UBE2G1: variants seen among roughly 807,000 people sequenced by gnomAD.
UBE2G1 encodes ubiquitin conjugating enzyme E2 G1, also known as ubiquitin-conjugating enzyme E2 G1.
In UBE2G1, 5 loss-of-function variants were observed where a neutral mutation model predicts 22.7. The ratio of observed to expected loss-of-function variants is 0.22; its 90% CI spans 0.12 to 0.46. UBE2G1 has a LOEUF of 0.46. UBE2G1 is among the 20% of genes least tolerant of loss of function. UBE2G1 has a pLI of 0.99. For missense variants in UBE2G1, 88 were observed against 203.9 expected (o/e 0.43, Z 3.46); for synonymous variants, 74 against 67.5 (o/e 1.10, Z -0.47).
At chr17:4,320,705 G>A (rs933657565) in intron 1 of UBE2G1, among the ~76,000 whole-genome samples, 1 of 152,092 alleles carries the variant, frequency 6.6e-6, no homozygotes, top group African/African-American at 2.4e-5. Flanking sequence ...CTACCTTCTT[G>A]CTCTCCAAAG....
intron 1 of UBE2G1, among the ~76,000 whole-genome samples, chr17:4,362,949 C>G (rs982470491): frequency 3.3e-5 from 5 of 151,986 alleles, no homozygotes; most frequent in African/African-American, 1.2e-4. Context: ...ATGGTGAAAC[C>G]CTGTCTCTAC....
chr17:4,281,187 C>A (rs1230270760), intron 5 of UBE2G1, among the ~76,000 whole-genome samples: 1 of 152,080 alleles, frequency 6.6e-6, no homozygotes, highest in Non-Finnish European at 1.5e-5. Context: ...AGGAGTAGAG[C>A]GGTAATTTAC....
chr17:4,276,633 C>A (rs891093966), intron 5 of UBE2G1, among the ~76,000 whole-genome samples: 2 of 120,212 alleles, frequency 1.7e-5, no homozygotes, highest in African/African-American at 6.1e-5. Context: ...TAGATTCATG[C>A]CCCACATCTG....
chr17:4,291,476 A>AT (rs746303880), intron 3 of UBE2G1, among the ~76,000 whole-genome samples: 2 of 151,864 alleles, frequency 1.3e-5, no homozygotes, highest in African/African-American at 4.8e-5. Context: ...TGTAATAAGG[A>AT]TTTTTTCCAA....
In UBE2G1 at chr17:4,292,106, C is replaced by T. The variant is rs111975504; in HGVS notation, c.248-2698G>A. 9.6e-4 allele frequency among the ~76,000 whole-genome samples: 146 copies of T among 152,036 alleles called. 1 individual carries two copies. The highest frequency in any genetic ancestry group is 3.3e-3 in the African/African-American group (137 of 41,476). On this transcript the variant is annotated intron_variant, in intron 3 of 5. Transcript: ENST00000396981. ...ATCCCAGCACTTTGGGAGGCTGAGG[C>T]GGGCGGATCACCTGAGGTCGAGACC...
intron 1 of UBE2G1, among the ~76,000 whole-genome samples, chr17:4,318,720 G>C (rs1324956648): frequency 6.6e-6 from 1 of 152,106 alleles, no homozygotes; most frequent in Non-Finnish European, 1.5e-5. Flanking sequence ...TACACCAGTG[G>C]TTCTCAACTG....
rs190702316 is a variant in UBE2G1 at position 4,339,494 on chromosome 17, G to C, written c.46+26777C>G. 7.6e-4 allele frequency among the ~76,000 whole-genome samples: 115 copies of C among 152,124 alleles called. 3 individuals are homozygous for C. In the East Asian group the frequency reaches 0.015, roughly 20 times the overall value. The stretch of plus-strand genomic sequence containing the variant: ...TAATTTTTTGTATTTAGTAGAGACG[G>C]GGTTTCAGCATGTTGACCAGGCTGG... On this transcript the variant is annotated intron_variant, in intron 1 of 5. Transcript: ENST00000396981.
intron 1 of UBE2G1, among the ~76,000 whole-genome samples, chr17:4,344,913 A>T (rs1163207445): frequency 6.6e-6 from 1 of 152,232 alleles, no homozygotes; most frequent in Non-Finnish European, 1.5e-5. Context: ...GTATTAAAAA[A>T]TAAGTATTTT....
chr17:4,288,034 A>G (rs570338355), intron 4 of UBE2G1, among the ~76,000 whole-genome samples: 1 of 152,230 alleles, frequency 6.6e-6, no homozygotes, highest in Non-Finnish European at 1.5e-5. Context: ...TTCTTAGGGA[A>G]CAGATCCTGA....
At chr17:4,316,016 C>T (rs1969366720) in intron 1 of UBE2G1, among the ~76,000 whole-genome samples, 1 of 151,674 alleles carries the variant, frequency 6.6e-6, no homozygotes, top group Admixed American at 6.6e-5. Context: ...GGGGTTTCAC[C>T]GTGGTCTCGA....
intron 1 of UBE2G1, among the ~76,000 whole-genome samples, chr17:4,360,755 T>C (rs575588910): frequency 1.7e-4 from 26 of 151,648 alleles, no homozygotes; most frequent in African/African-American, 5.8e-4. Flanking sequence ...CTACTAAAAA[T>C]ACAAAATTAG....
intron 5 of UBE2G1, among the ~76,000 whole-genome samples, chr17:4,281,679 T>C (rs962321494): frequency 1.5e-4 from 23 of 152,340 alleles, no homozygotes; most frequent in Non-Finnish European, 2.5e-4. Flanking sequence ...TTCAGAGACA[T>C]AGATATTCAA....
intron 1 of UBE2G1, among the ~76,000 whole-genome samples, chr17:4,330,838 C>T (rs1165436380): frequency 6.6e-6 from 1 of 151,796 alleles, no homozygotes; most frequent in Non-Finnish European, 1.5e-5. Flanking sequence ...AACAGATCTA[C>T]CCACCTTGGC....
At chr17:4,354,560 C>A (rs1034292832) in intron 1 of UBE2G1, among the ~76,000 whole-genome samples, 7 of 152,114 alleles carry the variant, frequency 4.6e-5, no homozygotes, top group Admixed American at 1.3e-4. Flanking sequence ...AAGGAAAGGG[C>A]TCGAGTTTTA....
At chr17:4,339,849 CAA>C (rs1183389003) in intron 1 of UBE2G1, among the ~76,000 whole-genome samples, 6 of 137,970 alleles carry the variant, frequency 4.3e-5, no homozygotes, top group Admixed American at 7.2e-5. Context: ...AACTGCATCT[CAA>C]AAAAAAAAAA....
chr17:4,318,932 G>C (rs755736092), intron 1 of UBE2G1, among the ~76,000 whole-genome samples: 10 of 152,046 alleles, frequency 6.6e-5, no homozygotes, highest in Non-Finnish European at 8.8e-5. Flanking sequence ...AGAAATTACA[G>C]AAACATATTT....
At chr17:4,362,311 C>T (rs1452365831) in intron 1 of UBE2G1, among the ~76,000 whole-genome samples, 2 of 152,166 alleles carry the variant, frequency 1.3e-5, no homozygotes, top group African/African-American at 2.4e-5. Flanking sequence ...TTCTCTGAAA[C>T]ATTTTAACTC....
At chr17:4,293,018 G>C (rs1431688751) in intron 3 of UBE2G1, among the ~76,000 whole-genome samples, 1 of 152,058 alleles carries the variant, frequency 6.6e-6, no homozygotes, top group Non-Finnish European at 1.5e-5. Flanking sequence ...TGAAAAGCAC[G>C]ATTTAATGGT....
At chr17:4,299,273 C>G (rs372252501) in intron 2 of UBE2G1, among the ~76,000 whole-genome samples, 5 of 151,998 alleles carry the variant, frequency 3.3e-5, no homozygotes, top group African/African-American at 1.2e-4. Flanking sequence ...GTGGCGTGCA[C>G]CTGTAATCCC....
Sources: gnomAD v4.1 joint callset for allele counts (sites outside exome capture counted in the v4.1 genomes callset) on GRCh38, gnomAD v4.1.1 for gene constraint, MANE v1.5 for transcripts, NCBI Gene and HGNC (gene_info 2026-07-23, HGNC 2026-07-21) for gene names.